Variants in FAR1 observed in about 807,000 individuals in gnomAD.
The protein encoded by FAR1 is male sterility domain-containing protein 2.
FAR1 carries 22 observed loss-of-function variants against 61.1 expected under a neutral mutation model. The ratio of observed to expected loss-of-function variants is 0.36; its 90% confidence interval spans 0.26 to 0.51. FAR1 has a LOEUF of 0.51. FAR1 is among the 20% of genes least tolerant of loss of function. FAR1 has a pLI of 0.95. For synonymous variants in FAR1, 206 were observed against 209.7 expected (o/e 0.98, Z 0.15); for missense variants, 359 against 626.9 (o/e 0.57, Z 4.56).
intron 4 of FAR1, among the ~76,000 whole-genome samples, chr11:13,708,914 A>G (rs1390930581): frequency 6.6e-6 from 1 of 152,206 alleles, no homozygotes; most frequent in Non-Finnish European, 1.5e-5. Flanking sequence ...ATTGATAGAT[A>G]GGGATTAAAT....
chr11:13,670,303 T>C (rs1240068024), intron 1 of FAR1, among the ~76,000 whole-genome samples: 1 of 150,326 alleles, frequency 6.7e-6, no homozygotes, highest in Non-Finnish European at 1.5e-5. Context: ...TTTTATAAAT[T>C]TGTGTGTGTG....
chr11:13,701,333 C>A (rs1848371638), intron 3 of FAR1, among the ~76,000 whole-genome samples: 1 of 152,058 alleles, frequency 6.6e-6, no homozygotes, highest in Non-Finnish European at 1.5e-5. Context: ...ATGTGCCAGT[C>A]ACCCTGATTT....
rs192140113 is a variant in FAR1, at chr11:13,703,611, A to G, written c.365+3119A>G. ...AATGTAGGATAGAAAATAAGGATGT[A>G]TTAAGGAGCACACATGAAATCCTAT... is the stretch of plus-strand genomic sequence containing the variant. On this transcript the variant is annotated intron_variant, in intron 3 of 11. Coordinates refer to ENST00000354817, the MANE Select transcript of FAR1 (RefSeq NM_032228.6). Among the ~76,000 whole-genome samples, 6 of 152,354 alleles carry G rather than the reference A, an allele frequency of 3.9e-5. No homozygotes were observed. In the East Asian group the frequency reaches 1.2e-3, roughly 29 times the overall value.
chr11:13,689,395 T>C (rs1290232171), intron 1 of FAR1, among the ~76,000 whole-genome samples: 2 of 152,192 alleles, frequency 1.3e-5, no homozygotes, highest in East Asian at 1.9e-4. Flanking sequence ...TGGCATCATA[T>C]AGTAGTACAC....
intron 3 of FAR1, among the ~76,000 whole-genome samples, chr11:13,701,831 G>T (rs926999103): frequency 4.6e-5 from 7 of 152,064 alleles, no homozygotes; most frequent in Non-Finnish European, 8.8e-5. Context: ...TCCATTGTAC[G>T]CTTGAGGAAG....
chr11:13,729,320 A>AGAGAT lies in FAR1; in HGVS notation c.*548_*552dup, dbSNP rs2134204671. ...TAAGTTAAATGATATCAAACATGAA[A>AGAGAT]GAGATGTTCTCATTTTTCTTTTTCT... is the stretch of plus-strand genomic sequence containing the variant. On this transcript the variant is annotated 3_prime_UTR_variant, in exon 12 of 12. Transcript: ENST00000354817. The AGAGAT allele has an allele frequency of 6.6e-6, 1 of 151,862 alleles. No individual in the cohort carries two copies. The highest frequency in any genetic ancestry group is 2.1e-4 in the South Asian group (1 of 4,832). 9.4% of individuals were successfully genotyped at this position (151,862 alleles called of 1,614,324 possible).
At chr11:13,685,671 C>A in intron 1 of FAR1, 1 of 172,312 alleles carries the variant, frequency 5.8e-6, no homozygotes, top group South Asian at 1.3e-4. Flanking sequence ...GAAGCCAAGT[C>A]GAGCACACAC....
intron 1 of FAR1, among the ~76,000 whole-genome samples, chr11:13,689,193 T>A (rs61883161): frequency 0.09 from 13,664 of 152,222 alleles, 707 homozygotes; most frequent in South Asian, 0.13. Flanking sequence ...TATAATAAAT[T>A]CAGAAAGTCC....
chr11:13,714,808 C>T, intron 9 of FAR1, 128 bp downstream of exon 9: 1 of 759,910 alleles, frequency 1.3e-6, no homozygotes, highest in South Asian at 3.9e-5. Flanking sequence ...GAATGAGAAG[C>T]CTCTTGAATT....
At chr11:13,673,241 G>T (rs10500794) in intron 1 of FAR1, among the ~76,000 whole-genome samples, 2 of 152,264 alleles carry the variant, frequency 1.3e-5, no homozygotes, top group East Asian at 1.9e-4. Context: ...AAAGAGTTGC[G>T]TAAATTCATC....
At chr11:13,689,350 C>T (rs1848223003) in intron 1 of FAR1, among the ~76,000 whole-genome samples, 1 of 152,064 alleles carries the variant, frequency 6.6e-6, no homozygotes. Context: ...GACTTTTGGC[C>T]GTAGATGTTT....
chr11:13,716,307 T>C (rs1046000171), intron 9 of FAR1, among the ~76,000 whole-genome samples: 3 of 152,220 alleles, frequency 2.0e-5, no homozygotes, highest in African/African-American at 7.2e-5. Flanking sequence ...TACTAAATGC[T>C]TCAGAGGAGA....
At chr11:13,698,917 T>C (rs1356665284) in intron 2 of FAR1, among the ~76,000 whole-genome samples, 1 of 152,200 alleles carries the variant, frequency 6.6e-6, no homozygotes, top group Non-Finnish European at 1.5e-5. Flanking sequence ...GGCACAGTTA[T>C]CTGGCCTTTC....
Position 13,708,443 on chromosome 11 carries a change from G to A in FAR1, c.545+364G>A, listed in dbSNP as rs912913669. 6.2e-4 allele frequency among the ~76,000 whole-genome samples: 52 copies of A among 84,428 alleles called. 1 individual carries two copies. The South Asian group carries it at 6.4e-3, about 10-fold the overall frequency. 55.4% of individuals were successfully genotyped at this position (84,428 alleles called of 152,430 possible). A position where few individuals can be genotyped will look rare whatever the true frequency, so the allele number is the denominator to read the frequency against. ...CCACCCCATATACATGTGCGCGCGC[G>A]CGCGCACACACACACACACACACAC... On this transcript the variant is annotated intron_variant, in intron 4 of 11. Transcript: ENST00000354817.
chr11:13,699,745 G>GTAA (rs1848349651), intron 2 of FAR1, among the ~76,000 whole-genome samples: 1 of 152,116 alleles, frequency 6.6e-6, no homozygotes, highest in Non-Finnish European at 1.5e-5. Context: ...TCCTATATAT[G>GTAA]TAATACTTCT....
Position 13,731,495 on chromosome 11 carries a change from A to G in FAR1, c.*2721A>G, listed in dbSNP as rs1848725457. 6.6e-6 allele frequency: 1 copy of G among 152,566 alleles called. No individual in the cohort carries two copies. The allele number at this position is 152,566 out of a possible 1,614,324, so 9.5% of individuals were successfully genotyped here. On this transcript the variant is annotated 3_prime_UTR_variant, in exon 12 of 12. Transcript: ENST00000354817. Reference sequence around the variant, plus strand: ...GTAATAAATGAATCCCTATATTTCCATTATAGTATTTATTGTATTTTTATG... The same window carrying G: ...GTAATAAATGAATCCCTATATTTCCGTTATAGTATTTATTGTATTTTTATG...
intron 10 of FAR1, among the ~76,000 whole-genome samples, chr11:13,724,384 G>GAA (rs1028327005): frequency 6.8e-6 from 1 of 146,210 alleles, no homozygotes; most frequent in Non-Finnish European, 1.5e-5. Flanking sequence ...TCTCTCTACA[G>GAA]AAAAAAAAAA....
Position 13,721,646 on chromosome 11 carries a change from G to A in FAR1, c.1128-84G>A. On this transcript the variant is annotated intron_variant, in intron 9 of 11. Coordinates refer to ENST00000354817, the MANE Select transcript of FAR1 (RefSeq NM_032228.6). The surrounding 1 kb of genome is among the most constrained non-coding windows in gnomAD (Gnocchi z 4.2). ...TTTTAATACTAATGTCTATATTATA[G>A]GGGGAAACTTGCACCCTGGGTGGTG... 1 of 1,059,984 alleles carries A rather than the reference G, an allele frequency of 9.4e-7. No homozygotes were observed. The highest frequency in any genetic ancestry group is 2.5e-4 in the Middle Eastern group (1 of 3,980). 65.7% of individuals were successfully genotyped at this position (1,059,984 alleles called of 1,614,324 possible). A position where few individuals can be genotyped will look rare whatever the true frequency, so the allele number is the denominator to read the frequency against.
At chr11:13,696,331 A>G (rs911462217) in intron 2 of FAR1, among the ~76,000 whole-genome samples, 1 of 152,192 alleles carries the variant, frequency 6.6e-6, no homozygotes, top group African/African-American at 2.4e-5. Flanking sequence ...GATAAGTAAG[A>G]TACGTTCCTG....
Sources: allele counts gnomAD v4.1 joint callset (sites outside exome capture counted in the v4.1 genomes callset), GRCh38; gene constraint gnomAD v4.1.1; non-coding constraint Gnocchi (gnomAD v3.1); transcripts MANE v1.5; gene names NCBI Gene and HGNC (gene_info 2026-07-23, HGNC 2026-07-21).